The following COL17A1 variants were observed in gnomAD, a reference collection of about 807,000 sequenced individuals.
COL17A1 encodes the protein collagen alpha-1(XVII) chain.
A neutral mutation model predicts 218.4 loss-of-function variants in COL17A1; 181 were observed. That is an observed-to-expected ratio of 0.83 (90% CI 0.73 to 0.94). The LOEUF (loss-of-function observed/expected upper bound fraction) is 0.94, where lower values mean the gene tolerates loss of function less well. Ranked by LOEUF, COL17A1 falls within the 40% of genes least tolerant of loss-of-function variation. The pLI is 0.00. For missense variants in COL17A1, 1,924 were observed against 1,945.9 expected (o/e 0.99, Z 0.21); for synonymous variants, 721 against 731.0 (o/e 0.99, Z 0.22).
intron 36 of COL17A1, 21 bp from the exon 37 acceptor site, chr10:104,041,559 A>C (rs775908368): frequency 8.1e-6 from 13 of 1,607,896 alleles, no homozygotes; most frequent in Non-Finnish European, 2.6e-6. Flanking sequence ...AAGAAAATAG[A>C]AATGAGCAAA....
chr10:104,051,933 A>C (rs74154726), intron 24 of COL17A1, among the ~76,000 whole-genome samples: 51 of 152,278 alleles, frequency 3.3e-4, no homozygotes, highest in African/African-American at 1.2e-3. Flanking sequence ...AGATGGAAAC[A>C]TGGCCCCAAG....
At chr10:104,064,718 G>T in intron 9 of COL17A1, 122 bp from the exon 10 acceptor site, 2 of 930,894 alleles carry the variant, frequency 2.1e-6, no homozygotes, top group Non-Finnish European at 1.7e-6. Flanking sequence ...CACATTTCAG[G>T]AACTTTCTCA....
chr10:104,067,449 CA>C (rs906070581), intron 9 of COL17A1, among the ~76,000 whole-genome samples: 3 of 150,244 alleles, frequency 2.0e-5, no homozygotes, highest in African/African-American at 7.4e-5. Flanking sequence ...TAAGAAACTG[CA>C]AAAAAGTTGA....
chr10:104,084,548 T>A (rs2086791066), intron 1 of COL17A1, among the ~76,000 whole-genome samples: 1 of 152,134 alleles, frequency 6.6e-6, no homozygotes, highest in Non-Finnish European at 1.5e-5. Flanking sequence ...CGCACACCAC[T>A]ATGCTTGGCT....
intron 17 of COL17A1, among the ~76,000 whole-genome samples, 154 bp from the exon 18 acceptor site, chr10:104,056,157 C>T (rs1457616244): frequency 6.6e-6 from 1 of 152,164 alleles, no homozygotes; most frequent in Non-Finnish European, 1.5e-5. Context: ...CCGTGGCCAC[C>T]AGCAGGATTA....
chr10:104,033,022 G>T, intron 53 of COL17A1, 54 bp from the exon 54 acceptor site: 1 of 1,591,626 alleles, frequency 6.3e-7, no homozygotes, highest in Non-Finnish European at 8.6e-7. Flanking sequence ...GGAAGCTTGG[G>T]ACATCAAGTC....
intron 5 of COL17A1, among the ~76,000 whole-genome samples, chr10:104,075,652 C>T (rs2086703206): frequency 6.6e-6 from 1 of 152,210 alleles, no homozygotes; most frequent in Non-Finnish European, 1.5e-5. Context: ...GCTAAAAACT[C>T]TCTGTGGCTT....
chr10:104,053,218 C>G, intron 22 of COL17A1, 83 bp from the exon 23 acceptor site: 1 of 1,514,712 alleles, frequency 6.6e-7, no homozygotes, highest in Admixed American at 1.7e-5. Flanking sequence ...ACGGCAGACG[C>G]TTGCCTGGAG....
intron 7 of COL17A1, among the ~76,000 whole-genome samples, chr10:104,072,520 AT>A (rs953497045): frequency 1.7e-4 from 26 of 152,354 alleles, no homozygotes; most frequent in African/African-American, 6.3e-4. Flanking sequence ...GGTAGCTAAC[AT>A]TATTAGTTAG....
At chr10:104,057,316 G>C (rs1000042492) in intron 16 of COL17A1, 144 bp from the exon 17 acceptor site, 8 of 1,334,654 alleles carry the variant, frequency 6.0e-6, no homozygotes, top group Non-Finnish European at 8.4e-6. Context: ...CCAGGACAGG[G>C]CTGGCTCCTG....
intron 15 of COL17A1, chr10:104,059,431 A>G (rs1200508596): frequency 6.5e-6 from 4 of 612,838 alleles, no homozygotes; most frequent in Non-Finnish European, 1.2e-5. Flanking sequence ...ATGCAAATGC[A>G]AATCACCTAG....
At chr10:104,063,861 C>A in intron 10 of COL17A1, 43 bp from the exon 11 acceptor site, 1 of 1,612,538 alleles carries the variant, frequency 6.2e-7, no homozygotes, top group Non-Finnish European at 8.5e-7. Flanking sequence ...GACATCTGGC[C>A]CAGATAGGGA....
chr10:104,039,314 C>A (rs919674759), intron 43 of COL17A1, 131 bp downstream of exon 43: 6 of 1,147,710 alleles, frequency 5.2e-6, no homozygotes, highest in Non-Finnish European at 7.8e-6. Context: ...CTGGCCTTTC[C>A]TTCCTCCAGC....
rs1484928320 is a variant in COL17A1 at position 104,074,227 on chromosome 10, G to A, written c.336C>T (p.Ser112=). 1 of 1,614,194 alleles carries A rather than the reference G, an allele frequency of 6.2e-7. No homozygotes were observed. Among genetic ancestry groups the A allele is most frequent in the Non-Finnish European group, 8.5e-7 (1 of 1,180,018 alleles). ...THVTRHAYEG[S]SSGNSSPEYP... ...ACTCCGGAGAAGAGTTGCCACTGGA[G>A]CTCCCTGGAGAGGGGATGAAACACT... Residue 112 remains serine, a synonymous_variant, in exon 6 of 56, where the codon AGC becomes AGT. Coordinates refer to ENST00000648076, the MANE Select transcript of COL17A1 (RefSeq NM_000494.4).
intron 10 of COL17A1, among the ~76,000 whole-genome samples, 189 bp downstream of exon 10, chr10:104,064,249 G>A (rs945833137): frequency 6.6e-6 from 1 of 152,182 alleles, no homozygotes; most frequent in African/African-American, 2.4e-5. Context: ...TAAAGGGGAC[G>A]CACCAGAAGC....
intron 7 of COL17A1, among the ~76,000 whole-genome samples, chr10:104,072,781 T>C (rs1258134125): frequency 6.6e-6 from 1 of 152,180 alleles, no homozygotes; most frequent in African/African-American, 2.4e-5. Context: ...ATTACAAAAC[T>C]GTCATGGAGC....
chr10:104,063,688 C>T (rs560586484), intron 11 of COL17A1, 59 bp downstream of exon 11: 1 of 1,610,144 alleles, frequency 6.2e-7, no homozygotes, highest in South Asian at 1.1e-5. Flanking sequence ...TTGGGTGAAG[C>T]ATCCTAACAC....
At chr10:104,036,076 G>A (rs1373026330) in intron 48 of COL17A1, among the ~76,000 whole-genome samples, 5 of 133,372 alleles carry the variant, frequency 3.7e-5, no homozygotes, top group Non-Finnish European at 3.2e-5. Flanking sequence ...ATGTGTATGG[G>A]AGTGTGTATG....
At chr10:104,060,549 C>T (rs1050548452) in intron 13 of COL17A1, among the ~76,000 whole-genome samples, 4 of 152,060 alleles carry the variant, frequency 2.6e-5, no homozygotes, top group Admixed American at 6.6e-5. Flanking sequence ...GGCTGCCTCC[C>T]CTCCTGGAGA....
Sources: gnomAD v4.1 joint callset for allele counts (sites outside exome capture counted in the v4.1 genomes callset) on GRCh38, gnomAD v4.1.1 for gene constraint, MANE v1.5 for transcripts, NCBI Gene and HGNC (gene_info 2026-07-23, HGNC 2026-07-21) for gene names.